Variants in SKAP1 observed in about 807,000 individuals in gnomAD.
SKAP1 encodes the protein src kinase-associated phosphoprotein 1.
In SKAP1, 44 loss-of-function variants were observed where a neutral mutation model predicts 58.5. The ratio of observed to expected loss-of-function variants is 0.75; its 90% confidence interval spans 0.59 to 0.97. The LOEUF is 0.97. Ranked by LOEUF, SKAP1 falls within the 50% of genes least tolerant of loss-of-function variation. SKAP1 has a pLI of 0.00. For synonymous variants in SKAP1, 127 were observed against 149.7 expected, an observed-to-expected ratio of 0.85 and a Z score of 1.11; for missense variants, 390 against 435.2, an observed-to-expected ratio of 0.90 and a Z score of 0.92.
At chr17:48,149,711 GCT>G (rs898434813) in intron 11 of SKAP1, among the ~76,000 whole-genome samples, 2 of 152,184 alleles carry the variant, frequency 1.3e-5, no homozygotes, top group Non-Finnish European at 2.9e-5. Context: ...TGCTGTTTAT[GCT>G]CTGTGTGTGT....
At chr17:48,300,102 G>A (rs2066038236) in intron 4 of SKAP1, among the ~76,000 whole-genome samples, 1 of 152,148 alleles carries the variant, frequency 6.6e-6, no homozygotes, top group African/African-American at 2.4e-5. Context: ...TCCCCTGTGT[G>A]CTCAAGAGTT....
intron 2 of SKAP1, among the ~76,000 whole-genome samples, chr17:48,364,412 C>T (rs1004037423): frequency 2.6e-5 from 4 of 152,172 alleles, no homozygotes; most frequent in Non-Finnish European, 5.9e-5. Context: ...TGTGGTGGCT[C>T]ACGCCTGTAA....
intron 4 of SKAP1, among the ~76,000 whole-genome samples, chr17:48,230,599 A>G (rs2065115438): frequency 6.6e-6 from 1 of 152,042 alleles, no homozygotes; most frequent in Non-Finnish European, 1.5e-5. Flanking sequence ...TACAAAAAAT[A>G]CAAAAAATTA....
intron 4 of SKAP1, among the ~76,000 whole-genome samples, chr17:48,335,070 C>T (rs2066551595): frequency 6.6e-6 from 1 of 151,766 alleles, no homozygotes; most frequent in Admixed American, 6.6e-5. Context: ...TCTGCTATGT[C>T]TATATCATTC....
At chr17:48,267,163 T>C (rs2065562433) in intron 4 of SKAP1, among the ~76,000 whole-genome samples, 1 of 152,238 alleles carries the variant, frequency 6.6e-6, no homozygotes, top group South Asian at 2.1e-4. Flanking sequence ...TTCTGATAAA[T>C]TTCCAACTTT....
At chr17:48,217,679 T>C (rs1217719451) in intron 4 of SKAP1, among the ~76,000 whole-genome samples, 1 of 151,816 alleles carries the variant, frequency 6.6e-6, no homozygotes, top group Non-Finnish European at 1.5e-5. Context: ...TAGGTAAAGG[T>C]AAAAATTATA....
chr17:48,176,280 T>C (rs1441138579), intron 9 of SKAP1, among the ~76,000 whole-genome samples: 1 of 152,196 alleles, frequency 6.6e-6, no homozygotes, highest in Non-Finnish European at 1.5e-5. Flanking sequence ...CAGATTCCGT[T>C]GCCATTGCAG....
intron 4 of SKAP1, among the ~76,000 whole-genome samples, chr17:48,205,037 TTCTCTCTCTC>T (rs376567367): frequency 3.6e-5 from 2 of 55,768 alleles, no homozygotes; most frequent in African/African-American, 5.4e-5. Context: ...CTTTCTTTCT[TTCTCTCTCTC>T]TCTTTCTTTC....
intron 1 of SKAP1, among the ~76,000 whole-genome samples, chr17:48,425,555 C>T (rs7218345): frequency 0.33 from 50,149 of 152,054 alleles, 8,982 homozygotes; most frequent in African/African-American, 0.46. Context: ...GAGCAGTAGC[C>T]TCACTGATCT....
chr17:48,145,859 C>T (rs1281387767), intron 11 of SKAP1, among the ~76,000 whole-genome samples: 1 of 152,098 alleles, frequency 6.6e-6, no homozygotes, highest in Non-Finnish European at 1.5e-5. Context: ...CTCAGTGAAT[C>T]CTAGGCTGTT....
intron 2 of SKAP1, among the ~76,000 whole-genome samples, chr17:48,377,107 T>C (rs2067159231): frequency 6.6e-6 from 1 of 152,124 alleles, no homozygotes; most frequent in Non-Finnish European, 1.5e-5. Context: ...GCCTCTCTTT[T>C]CTCTTGTGAA....
At chr17:48,403,494 T>G (rs575222826) in intron 1 of SKAP1, among the ~76,000 whole-genome samples, 1 of 152,214 alleles carries the variant, frequency 6.6e-6, no homozygotes, top group Admixed American at 6.5e-5. Context: ...CATATCCTTT[T>G]GAGCTTTCAA....
chr17:48,424,887 A>G, intron 1 of SKAP1, among the ~76,000 whole-genome samples: 1 of 146,824 alleles, frequency 6.8e-6, no homozygotes, highest in Non-Finnish European at 1.5e-5. Flanking sequence ...AGCTGAGATC[A>G]CTCCACTGTA....
rs1355927951 is a variant in SKAP1 at position 48,426,957 on chromosome 17, T to C, written c.46+3118A>G. 3.9e-5 allele frequency among the ~76,000 whole-genome samples: 6 copies of C among 152,268 alleles called. No individual in the cohort carries two copies. The Middle Eastern group carries it at 0.01, about 259-fold the overall frequency. ...CGTTAGCACTCTGACCTCTCTGAGTTTCTATTTGTCTTTTGTTCCTTTTTC... is the reference window on the plus strand; with the variant it reads ...CGTTAGCACTCTGACCTCTCTGAGTCTCTATTTGTCTTTTGTTCCTTTTTC... On this transcript the variant is annotated intron_variant, in intron 1 of 12. Coordinates refer to ENST00000336915, the MANE Select transcript of SKAP1 (RefSeq NM_003726.4).
chr17:48,339,819 C>A (rs1203473542), intron 4 of SKAP1, among the ~76,000 whole-genome samples: 2 of 152,098 alleles, frequency 1.3e-5, no homozygotes, highest in Non-Finnish European at 2.9e-5. Flanking sequence ...AAAATCAGGC[C>A]TTACCCCTGA....
At chr17:48,311,352 T>C (rs1458370469) in intron 4 of SKAP1, among the ~76,000 whole-genome samples, 1 of 152,200 alleles carries the variant, frequency 6.6e-6, no homozygotes, top group Non-Finnish European at 1.5e-5. Context: ...TCTCCCCACA[T>C]TGGGCATCCC....
chr17:48,207,674 G>T (rs2064826072), intron 4 of SKAP1, among the ~76,000 whole-genome samples: 1 of 152,114 alleles, frequency 6.6e-6, no homozygotes, highest in African/African-American at 2.4e-5. Context: ...ACCCACAAAA[G>T]CAGGAGGTCT....
At chr17:48,330,228 T>C (rs558847624) in intron 4 of SKAP1, among the ~76,000 whole-genome samples, 1 of 152,324 alleles carries the variant, frequency 6.6e-6, no homozygotes, top group African/African-American at 2.4e-5. Context: ...TCCAGTTAAT[T>C]ATTTTTTTAA....
chr17:48,262,798 C>G (rs973158399), intron 4 of SKAP1, among the ~76,000 whole-genome samples: 1 of 152,118 alleles, frequency 6.6e-6, no homozygotes, highest in African/African-American at 2.4e-5. Context: ...CTTTCCTGTC[C>G]CTCCTCCTTG....
Sources: gnomAD v4.1 joint callset for allele counts (sites outside exome capture counted in the v4.1 genomes callset) on GRCh38, gnomAD v4.1.1 for gene constraint, MANE v1.5 for transcripts, NCBI Gene and HGNC (gene_info 2026-07-23, HGNC 2026-07-21) for gene names.